Variants in ITPR1 observed in about 807,000 individuals in gnomAD.
ITPR1 encodes the protein inositol 1,4,5-trisphosphate receptor type 1.
A neutral mutation model predicts 318.4 loss-of-function variants in ITPR1; 96 were observed. The observed-to-expected ratio is 0.30, with a 90% CI of 0.26 to 0.36. ITPR1 has a LOEUF of 0.36. ITPR1 is among the 10% of genes least tolerant of loss of function. The pLI is 1.00. For missense variants in ITPR1, 2,440 were observed against 3,460.2 expected, an observed-to-expected ratio of 0.71 and a Z score of 7.40; for synonymous variants, 1,312 against 1,289.9, an observed-to-expected ratio of 1.02 and a Z score of -0.37.
chr3:4,723,539 AT>A (rs2042308396), intron 40 of ITPR1, among the ~76,000 whole-genome samples: 1 of 152,040 alleles, frequency 6.6e-6, no homozygotes, highest in African/African-American at 2.4e-5. Flanking sequence ...TGTCAGTACA[AT>A]CATAAAACAT....
intron 2 of ITPR1, among the ~76,000 whole-genome samples, chr3:4,500,521 C>A (rs1345319342): frequency 2.0e-5 from 3 of 151,960 alleles, no homozygotes; most frequent in Non-Finnish European, 4.4e-5. Context: ...ATTTAGAGAT[C>A]TCCACCTAGG....
At chr3:4,737,890 C>T (rs1299516895) in intron 44 of ITPR1, among the ~76,000 whole-genome samples, 1 of 152,174 alleles carries the variant, frequency 6.6e-6, no homozygotes, top group Non-Finnish European at 1.5e-5. Context: ...GTTTAAAACT[C>T]CGTGATCGTA....
intron 3 of ITPR1, among the ~76,000 whole-genome samples, chr3:4,517,259 A>G (rs1304973278): frequency 6.6e-6 from 1 of 152,250 alleles, no homozygotes; most frequent in Non-Finnish European, 1.5e-5. Context: ...CCAAAGGCAG[A>G]CAGAGGCAGA....
chr3:4,816,049 T>A (rs1168454656), intron 59 of ITPR1: 4 of 152,082 alleles, frequency 2.6e-5, no homozygotes, highest in Non-Finnish European at 5.9e-5. Context: ...AGTGATGCTT[T>A]CTTATCCCTA....
intron 44 of ITPR1, among the ~76,000 whole-genome samples, chr3:4,741,243 G>A (rs1356163711): frequency 6.6e-6 from 1 of 152,032 alleles, no homozygotes; most frequent in African/African-American, 2.4e-5. Flanking sequence ...CAGATGTTTT[G>A]GGATATATAT....
intron 42 of ITPR1, among the ~76,000 whole-genome samples, chr3:4,730,412 TG>T (rs764654481): frequency 0.11 from 16,280 of 141,660 alleles, 1,240 homozygotes; most frequent in Middle Eastern, 0.21. Flanking sequence ...TGTGTGTGTG[TG>T]TGTGTGTTTC....
chr3:4,585,303 T>G (rs1316789341), intron 4 of ITPR1, among the ~76,000 whole-genome samples: 1 of 152,248 alleles, frequency 6.6e-6, no homozygotes, highest in Non-Finnish European at 1.5e-5. Context: ...TTTAACTGCC[T>G]TAAGTCATTC....
At chr3:4,644,726 TTGTC>T (rs1209938516) in intron 8 of ITPR1, among the ~76,000 whole-genome samples, 2 of 152,222 alleles carry the variant, frequency 1.3e-5, no homozygotes, top group African/African-American at 4.8e-5. Context: ...ACATAAATAT[TTGTC>T]TGATGGGTAA....
intron 60 of ITPR1, among the ~76,000 whole-genome samples, chr3:4,821,195 C>G (rs1196134764): frequency 6.6e-6 from 1 of 152,260 alleles, no homozygotes; most frequent in East Asian, 1.9e-4. Flanking sequence ...TCACTGCCCT[C>G]TTGCCTTTGA....
intron 60 of ITPR1, among the ~76,000 whole-genome samples, chr3:4,836,157 G>A (rs1575428301): frequency 6.6e-6 from 1 of 152,174 alleles, no homozygotes; most frequent in African/African-American, 2.4e-5. Context: ...GGTTTTCCCA[G>A]TATAATGCAT....
chr3:4,651,718 C>T (rs377667787), intron 10 of ITPR1, among the ~76,000 whole-genome samples: 4 of 152,362 alleles, frequency 2.6e-5, no homozygotes, highest in African/African-American at 9.6e-5. Flanking sequence ...CTGAGTTTCA[C>T]ATTTCAGAGC....
At chr3:4,789,126 C>A (rs1010818011) in intron 52 of ITPR1, among the ~76,000 whole-genome samples, 2 of 152,206 alleles carry the variant, frequency 1.3e-5, no homozygotes, top group African/African-American at 4.8e-5. Context: ...CACTTCCAGC[C>A]CCGCTGTACT....
intron 34 of ITPR1, 44 bp downstream of exon 34, chr3:4,697,316 GT>G (rs1559719107): frequency 1.3e-4 from 97 of 760,478 alleles, no homozygotes; most frequent in Non-Finnish European, 1.6e-4. Flanking sequence ...AGAGTGAGAG[GT>G]GTGTGTGTGT....
intron 10 of ITPR1, among the ~76,000 whole-genome samples, chr3:4,648,607 C>G (rs948078189): frequency 6.6e-6 from 1 of 152,158 alleles, no homozygotes; most frequent in Non-Finnish European, 1.5e-5. Flanking sequence ...GTCAGGAATT[C>G]AAGACCAACC....
rs2045975631 is a variant in ITPR1 at position 4,768,658 on chromosome 3, C to A, written c.5873C>A (p.Ala1958Asp). The A allele has an allele frequency of 6.2e-7, 1 of 1,613,872 alleles. No homozygotes were observed. The highest frequency in any genetic ancestry group is 1.7e-5 in the Admixed American group (1 of 60,006). The change falls in exon 46 of 62, where the codon GCC (alanine) becomes GAC (aspartate). Residue 1958 changes from alanine to aspartate, a missense_variant. Ala to Asp is a moderately radical substitution (Grantham distance 126). Transcript: ENST00000649015. ...CCTGGAGAGGGCACCCAGGCCACTG[C>A]CGACAAGGCCAAGGACGACCTGGAG... ...YQPGEGTQAT[A>D]DKAKDDLEMS...
chr3:4,700,565 G>A (rs2094631713), intron 35 of ITPR1, among the ~76,000 whole-genome samples: 2 of 152,302 alleles, frequency 1.3e-5, no homozygotes, highest in South Asian at 4.1e-4. Context: ...TGTAAAAGAG[G>A]CAGAACAAGA....
At position 4,517,086 on chromosome 3, in the gene ITPR1, A is replaced by G. The variant is rs114313270; in HGVS notation, c.92+503A>G. ...TATGCATTTGAAAATTATAAATTGC[A>G]TAAAGTTCTATAAATCAGATTTTTG... On this transcript the variant is annotated intron_variant, in intron 3 of 61. Coordinates refer to ENST00000649015, the MANE Select transcript of ITPR1 (RefSeq NM_001378452.1). 6.9e-3 allele frequency among the ~76,000 whole-genome samples: 1,052 copies of G among 152,358 alleles called. 12 individuals are homozygous for G. The highest frequency in any genetic ancestry group is 0.024 in the African/African-American group (1,002 of 41,578).
chr3:4,642,702 G>C (rs1291854864), intron 7 of ITPR1, among the ~76,000 whole-genome samples: 1 of 152,184 alleles, frequency 6.6e-6, no homozygotes, highest in Non-Finnish European at 1.5e-5. Context: ...TCGAGAAGCC[G>C]GCAGGCTCCC....
At chr3:4,587,565 C>G (rs1269558611) in intron 4 of ITPR1, among the ~76,000 whole-genome samples, 1 of 152,194 alleles carries the variant, frequency 6.6e-6, no homozygotes, top group Non-Finnish European at 1.5e-5. Flanking sequence ...GCCACCCTGC[C>G]CGGCCCACAC....
Sources: gnomAD v4.1 joint callset for allele counts (sites outside exome capture counted in the v4.1 genomes callset) on GRCh38, gnomAD v4.1.1 for gene constraint, MANE v1.5 for transcripts, NCBI Gene and HGNC (gene_info 2026-07-23, HGNC 2026-07-21) for gene names.